The following LRRC63 variants were observed in gnomAD, a reference collection of about 807,000 sequenced individuals.
LRRC63 encodes the protein leucine rich repeat containing 63.
LRRC63 carries 40 observed loss-of-function variants against 49.5 expected under a neutral mutation model. The ratio of observed to expected loss-of-function variants is 0.81; its 90% CI spans 0.63 to 1.05. LRRC63 has a LOEUF of 1.05. Ranked by LOEUF, LRRC63 falls within the 50% of genes least tolerant of loss-of-function variation. LRRC63 has a pLI of 0.00. For synonymous variants in LRRC63, 191 were observed against 221.1 expected, an observed-to-expected ratio of 0.86 and a Z score of 1.21; for missense variants, 636 against 663.1, an observed-to-expected ratio of 0.96 and a Z score of 0.45.
intron 2 of LRRC63, among the ~76,000 whole-genome samples, chr13:46,221,694 A>T (rs984982757): frequency 2.6e-5 from 4 of 152,106 alleles, no homozygotes; most frequent in African/African-American, 4.8e-5. Context: ...TCAAAGTTCA[A>T]ATTTTGTCTT....
rs552310700 is a variant in LRRC63, at chr13:46,276,852, T to TTA, written c.*63_*64dup. 5.3e-3 allele frequency: 644 copies of TTA among 120,482 alleles called. 17 individuals carry two copies. The highest frequency in any genetic ancestry group is 5.4e-3 in the Non-Finnish European group (352 of 64,900). 7.5% of individuals were successfully genotyped at this position (120,482 alleles called of 1,614,324 possible). A position where few individuals can be genotyped will look rare whatever the true frequency, so the allele number is the denominator to read the frequency against. On this transcript the variant is annotated 3_prime_UTR_variant, in exon 10 of 10. Transcript: ENST00000595396. ...TGTATATATATATATATATATATAT[T>TTA]TATATATATATATATTTATATATAT...
chr13:46,243,354 C>T (rs1230937134), intron 5 of LRRC63, among the ~76,000 whole-genome samples: 2 of 152,064 alleles, frequency 1.3e-5, no homozygotes, highest in African/African-American at 4.8e-5. Flanking sequence ...ATTACTTAAA[C>T]ACAAAGGTAG....
At chr13:46,272,698 A>C (rs985576782) in intron 9 of LRRC63, among the ~76,000 whole-genome samples, 5 of 152,370 alleles carry the variant, frequency 3.3e-5, no homozygotes, top group Non-Finnish European at 5.9e-5. Flanking sequence ...TGCCTCAGTC[A>C]GAGAGTGGTA....
intron 8 of LRRC63, 75 bp from the exon 9 acceptor site, chr13:46,266,658 C>A: frequency 1.6e-6 from 2 of 1,270,490 alleles, no homozygotes; most frequent in Non-Finnish European, 2.1e-6. Flanking sequence ...TTTTCATGAA[C>A]AATTGAGGCA....
chr13:46,224,176 CT>C (rs577627196), intron 2 of LRRC63, among the ~76,000 whole-genome samples: 4 of 152,156 alleles, frequency 2.6e-5, no homozygotes, highest in Non-Finnish European at 2.9e-5. Flanking sequence ...CTCTTTGCCC[CT>C]GGGATGCCAA....
At chr13:46,220,044 C>T (rs1196970367) in intron 2 of LRRC63, among the ~76,000 whole-genome samples, 2 of 152,194 alleles carry the variant, frequency 1.3e-5, no homozygotes, top group African/African-American at 4.8e-5. Context: ...CTGTCGACCC[C>T]TGCTGGGAGG....
At chr13:46,262,453 G>T (rs1193870589) in intron 8 of LRRC63, among the ~76,000 whole-genome samples, 2 of 151,994 alleles carry the variant, frequency 1.3e-5, no homozygotes, top group African/African-American at 4.8e-5. Flanking sequence ...TAACTAGTAG[G>T]GAGATTATTT....
In LRRC63 at chr13:46,213,008, GA is replaced by G; in HGVS notation, c.-22del. On this transcript the variant is annotated 5_prime_UTR_variant, in exon 2 of 10. It introduces an in-frame stop codon into an upstream open reading frame of the 5' UTR. Transcript: ENST00000595396. ...AATTCTCATTTAAACCAAGGATTAT[GA>G]AAAACAGCACTTATTATTCATTAAA... 6.9e-7 allele frequency: 1 copy of G among 1,457,034 alleles called. No individual in the cohort carries two copies. Among genetic ancestry groups the G allele is most frequent in the Non-Finnish European group, 9.3e-7 (1 of 1,072,284 alleles). The allele number at this position is 1,457,034 out of a possible 1,614,324, so 90.3% of individuals were successfully genotyped here.
chr13:46,241,935 G>A (rs904899941), intron 5 of LRRC63, among the ~76,000 whole-genome samples: 8 of 152,032 alleles, frequency 5.3e-5, no homozygotes, highest in Admixed American at 3.3e-4. Flanking sequence ...CCTAAAAACA[G>A]AAATATCATT....
intron 7 of LRRC63, among the ~76,000 whole-genome samples, chr13:46,260,362 C>T (rs1409668727): frequency 2.6e-5 from 4 of 152,176 alleles, no homozygotes; most frequent in East Asian, 3.8e-4. Context: ...ATAGGCATTT[C>T]CTTTGTTTTC....
chr13:46,250,281 T>C (rs981744430), intron 6 of LRRC63, 74 bp from the exon 7 acceptor site: 1 of 1,263,264 alleles, frequency 7.9e-7, no homozygotes, highest in African/African-American at 1.5e-5. Context: ...TCAGAGAGTT[T>C]ATAAAAGGTA....
chr13:46,264,738 A>G (rs1356308643), intron 8 of LRRC63, among the ~76,000 whole-genome samples: 1 of 151,328 alleles, frequency 6.6e-6, no homozygotes, highest in African/African-American at 2.4e-5. Flanking sequence ...TGCAAGTCCA[A>G]TGGCAGTCAC....
intron 7 of LRRC63, among the ~76,000 whole-genome samples, chr13:46,251,008 T>G (rs1042561347): frequency 1.3e-5 from 2 of 151,906 alleles, no homozygotes; most frequent in African/African-American, 4.8e-5. Flanking sequence ...AGAGATGGGT[T>G]TCTTCCCACG....
intron 7 of LRRC63, among the ~76,000 whole-genome samples, chr13:46,258,856 A>G (rs1226475965): frequency 6.6e-6 from 1 of 151,912 alleles, no homozygotes; most frequent in Admixed American, 6.6e-5. Context: ...AAATCCTTTC[A>G]ATTATTTTCA....
At chr13:46,235,467 A>G (rs1368808459) in intron 5 of LRRC63, among the ~76,000 whole-genome samples, 2 of 152,188 alleles carry the variant, frequency 1.3e-5, no homozygotes, top group African/African-American at 4.8e-5. Context: ...AGATTTCAAT[A>G]GTAGATGTGA....
chr13:46,259,215 T>C (rs534562471), intron 7 of LRRC63, among the ~76,000 whole-genome samples: 1 of 152,276 alleles, frequency 6.6e-6, no homozygotes, highest in African/African-American at 2.4e-5. Flanking sequence ...TCTTTTCAAC[T>C]CTCTTATAAA....
chr13:46,238,817 A>G (rs1012704240), intron 5 of LRRC63, among the ~76,000 whole-genome samples: 1 of 152,256 alleles, frequency 6.6e-6, no homozygotes, highest in Non-Finnish European at 1.5e-5. Context: ...CAATGAAAAT[A>G]GAAGTCAAGA....
At position 46,228,066 on chromosome 13, in the gene LRRC63, G is replaced by T; in HGVS notation, c.640G>T (p.Gly214Ter). ...TATGACTGTATCTATGAAACCAGAAGGACAGTGGCCTGAACATTTTAAATC... is the reference window on the plus strand; with the variant it reads ...TATGACTGTATCTATGAAACCAGAATGACAGTGGCCTGAACATTTTAAATC... Residue 214 changes from glycine (G) to a stop codon, truncating the protein, a stop_gained, in exon 3 of 10, where the codon GGA becomes TGA. Transcript: ENST00000595396. LOFTEE classifies it high-confidence loss of function. 1.9e-6 allele frequency: 3 copies of T among 1,551,024 alleles called. No homozygotes were observed. Among genetic ancestry groups the T allele is most frequent in the Non-Finnish European group, 2.6e-6 (3 of 1,147,062 alleles).
chr13:46,264,555 T>A (rs2047657010), intron 8 of LRRC63, among the ~76,000 whole-genome samples: 1 of 152,144 alleles, frequency 6.6e-6, no homozygotes, highest in African/African-American at 2.4e-5. Context: ...GTTTTACACA[T>A]CATGCATTTT....
Sources: allele counts gnomAD v4.1 joint callset (sites outside exome capture counted in the v4.1 genomes callset), GRCh38; gene constraint gnomAD v4.1.1; transcripts MANE v1.5; gene names NCBI Gene and HGNC (gene_info 2026-07-23, HGNC 2026-07-21).